GULP1: variants seen among roughly 807,000 people sequenced by gnomAD.
GULP1 encodes GULP PTB domain containing engulfment adaptor 1.
Under a neutral mutation model 40.9 loss-of-function variants are expected in GULP1, and 19 were observed. The observed-to-expected ratio is 0.46, with a 90% confidence interval of 0.32 to 0.68. The LOEUF (loss-of-function observed/expected upper bound fraction) is 0.68. Ranked by LOEUF, GULP1 falls within the 30% of genes least tolerant of loss-of-function variation. The pLI is 0.03. For missense variants in GULP1, 312 were observed against 362.2 expected (o/e 0.86, Z 1.12); for synonymous variants, 119 against 117.6 (o/e 1.01, Z -0.08).
chr2:188,343,661 A>G (rs2043251905), intron 1 of GULP1, among the ~76,000 whole-genome samples: 3 of 152,190 alleles, frequency 2.0e-5, no homozygotes, highest in Non-Finnish European at 4.4e-5. Context: ...CAGTTCTACA[A>G]AGACTTTCTT....
intron 1 of GULP1, chr2:188,294,248 A>AATTCTCC (rs1379627103): frequency 1.3e-5 from 2 of 152,170 alleles, no homozygotes; most frequent in African/African-American, 4.8e-5. Flanking sequence ...TTTCTACCTA[A>AATTCTCC]ATTGAATAAT....
chr2:188,425,969 A>G (rs2056143600), intron 2 of GULP1, among the ~76,000 whole-genome samples: 1 of 152,168 alleles, frequency 6.6e-6, no homozygotes, highest in African/African-American at 2.4e-5. Context: ...TCTGAGCCAA[A>G]TATGAGTGAC....
chr2:188,334,562 AT>A (rs2042024316), intron 1 of GULP1, among the ~76,000 whole-genome samples: 1 of 152,218 alleles, frequency 6.6e-6, no homozygotes, highest in Admixed American at 6.5e-5. Context: ...TGCAGCTAGG[AT>A]TGACAAGTCT....
intron 2 of GULP1, among the ~76,000 whole-genome samples, chr2:188,427,569 C>G (rs1324979791): frequency 1.3e-5 from 2 of 152,170 alleles, no homozygotes; most frequent in African/African-American, 4.8e-5. Context: ...TCCAAGGGGC[C>G]CAAGTACAGC....
intron 7 of GULP1, among the ~76,000 whole-genome samples, chr2:188,547,869 C>G (rs1434417685): frequency 6.6e-6 from 1 of 151,964 alleles, no homozygotes; most frequent in Non-Finnish European, 1.5e-5. Context: ...CATGGAAAAT[C>G]TAAAGAAGAA....
chr2:188,448,470 T>C (rs10197598), intron 2 of GULP1, among the ~76,000 whole-genome samples: 3,573 of 152,276 alleles, frequency 0.023, 151 homozygotes, highest in African/African-American at 0.081. Flanking sequence ...ATTGAATTTT[T>C]ATGGCATTTT....
At chr2:188,511,324 A>G (rs1208026633) in intron 4 of GULP1, among the ~76,000 whole-genome samples, 3 of 152,212 alleles carry the variant, frequency 2.0e-5, no homozygotes, top group Non-Finnish European at 2.9e-5. Flanking sequence ...TGCAAGTTAC[A>G]TGAGAATATT....
intron 8 of GULP1, 78 bp from the exon 9 acceptor site, chr2:188,569,950 A>C (rs1698672242): frequency 3.3e-6 from 2 of 612,370 alleles, no homozygotes; most frequent in Admixed American, 6.6e-5. Context: ...CGTAATATAA[A>C]TTCCTACTCA....
At chr2:188,534,215 A>G (rs1688326431) in intron 6 of GULP1, among the ~76,000 whole-genome samples, 1 of 152,200 alleles carries the variant, frequency 6.6e-6, no homozygotes, top group Non-Finnish European at 1.5e-5. Context: ...TTTTCACAAT[A>G]GCAAAAACAT....
At chr2:188,397,460 A>G (rs955792500) in intron 2 of GULP1, among the ~76,000 whole-genome samples, 1 of 152,204 alleles carries the variant, frequency 6.6e-6, no homozygotes, top group Admixed American at 6.5e-5. Flanking sequence ...CTGGGTCATT[A>G]TTTATAATTA....
At chr2:188,486,768 G>A (rs1373176091) in intron 4 of GULP1, among the ~76,000 whole-genome samples, 3 of 151,916 alleles carry the variant, frequency 2.0e-5, no homozygotes, top group Admixed American at 6.6e-5. Flanking sequence ...TTAATGTGCA[G>A]TGACAGCATT....
At chr2:188,410,663 T>C (rs1189192809) in intron 2 of GULP1, among the ~76,000 whole-genome samples, 1 of 152,120 alleles carries the variant, frequency 6.6e-6, no homozygotes, top group African/African-American at 2.4e-5. Context: ...TCATTAGACG[T>C]AGGAAGAGCC....
At chr2:188,364,789 T>C (rs1431541558) in intron 1 of GULP1, among the ~76,000 whole-genome samples, 3 of 144,038 alleles carry the variant, frequency 2.1e-5, no homozygotes, top group Non-Finnish European at 4.7e-5. Flanking sequence ...TATATATACA[T>C]ATACATATCA....
intron 7 of GULP1, among the ~76,000 whole-genome samples, chr2:188,553,044 C>T (rs1693885154): frequency 6.6e-6 from 1 of 151,714 alleles, no homozygotes; most frequent in African/African-American, 2.4e-5. Flanking sequence ...ATTTTGAATC[C>T]TCCATCTTAC....
At chr2:188,343,075 GAGAAAAGACAA>G (rs1039320518) in intron 1 of GULP1, among the ~76,000 whole-genome samples, 7 of 152,088 alleles carry the variant, frequency 4.6e-5, no homozygotes, top group Non-Finnish European at 8.8e-5. Flanking sequence ...GCACCTTAGA[GAGAAAAGACAA>G]AGACACACTA....
chr2:188,556,967 T>G (rs1694925542), intron 7 of GULP1, among the ~76,000 whole-genome samples: 1 of 151,400 alleles, frequency 6.6e-6, no homozygotes, highest in Admixed American at 6.6e-5. Flanking sequence ...GAGCTTGCAG[T>G]GAGCCTAGAT....
At chr2:188,588,691 A>C (rs926312888) in intron 11 of GULP1, 2 of 152,116 alleles carry the variant, frequency 1.3e-5, no homozygotes, top group African/African-American at 4.8e-5. Context: ...AATTATATGA[A>C]GCTGATTGAG....
intron 2 of GULP1, among the ~76,000 whole-genome samples, chr2:188,426,396 C>G (rs6710531): frequency 0.2 from 30,734 of 152,002 alleles, 3,317 homozygotes; most frequent in African/African-American, 0.26. Context: ...CCTTTCTTAT[C>G]GGGACCTTAA....
chr2:188,532,291 AAC>A (rs2153248650), intron 6 of GULP1, among the ~76,000 whole-genome samples: 1 of 152,350 alleles, frequency 6.6e-6, no homozygotes, highest in East Asian at 1.9e-4. Flanking sequence ...ACAAAATACA[AAC>A]ACAATTAAAT....
Sources: gnomAD v4.1 joint callset for allele counts (sites outside exome capture counted in the v4.1 genomes callset) on GRCh38, gnomAD v4.1.1 for gene constraint, MANE v1.5 for transcripts, NCBI Gene and HGNC (gene_info 2026-07-23, HGNC 2026-07-21) for gene names.